CUX1: variants seen among roughly 807,000 people sequenced by gnomAD.
The protein encoded by CUX1 is protein CASP.
A neutral mutation model predicts 158.8 loss-of-function variants in CUX1; 31 were observed. That is an observed-to-expected ratio of 0.20 (90% CI 0.15 to 0.26). The LOEUF is 0.26. Among genes scored for constraint, CUX1 ranks in the 10% least tolerant of loss-of-function variants. The probability of loss-of-function intolerance (pLI) is 1.00; values close to 1 mark genes in which losing one functional copy is unlikely to be tolerated. For missense variants in CUX1, 1,589 were observed against 2,014.6 expected (o/e 0.79, Z 4.04); for synonymous variants, 879 against 862.1 (o/e 1.02, Z -0.34).
intron 2 of CUX1, among the ~76,000 whole-genome samples, chr7:102,001,742 A>G (rs1642266226): frequency 6.6e-6 from 1 of 152,216 alleles, no homozygotes; most frequent in Non-Finnish European, 1.5e-5. Flanking sequence ...GGCCATGCAC[A>G]TGCAGGACAC....
At chr7:102,071,433 G>C in intron 4 of CUX1, among the ~76,000 whole-genome samples, 1 of 152,162 alleles carries the variant, frequency 6.6e-6, no homozygotes, top group East Asian at 1.9e-4. Flanking sequence ...TCTGGAGTAA[G>C]GTGATGGACA....
At chr7:102,268,807 G>A (rs1185085002) in intron 14 of CUX1, among the ~76,000 whole-genome samples, 2 of 152,024 alleles carry the variant, frequency 1.3e-5, no homozygotes, top group Non-Finnish European at 2.9e-5. Context: ...GAGAGAGAAT[G>A]GGGGTGGGGG....
chr7:101,959,238 A>AGT (rs55733311), intron 2 of CUX1, among the ~76,000 whole-genome samples: 13,521 of 145,704 alleles, frequency 0.093, 631 homozygotes, highest in East Asian at 0.2. Context: ...ATGTGTGTGC[A>AGT]GTGTGTGTGT....
At chr7:101,905,841 T>C (rs1254170851) in intron 1 of CUX1, among the ~76,000 whole-genome samples, 1 of 152,038 alleles carries the variant, frequency 6.6e-6, no homozygotes, top group Non-Finnish European at 1.5e-5. Flanking sequence ...ACGTGCCCAG[T>C]ATTTTCTTTC....
At chr7:102,282,440 G>T (rs1792148524) in intron 21 of CUX1, among the ~76,000 whole-genome samples, 1 of 152,136 alleles carries the variant, frequency 6.6e-6, no homozygotes, top group Non-Finnish European at 1.5e-5. Flanking sequence ...GGCCCCTACA[G>T]AGCTAACCTG....
rs113937940 is a variant in CUX1 at position 101,975,392 on chromosome 7, A to AT, written c.142-52693dup. Reference sequence around the variant, plus strand: ...ACCTCCTTATCTCTACAAAAAATGAATTTTTTTTTTTTTAATCAGCTAGGC... The same window carrying AT: ...ACCTCCTTATCTCTACAAAAAATGAATTTTTTTTTTTTTTAATCAGCTAGGC... On this transcript the variant is annotated intron_variant, in intron 2 of 23. Coordinates refer to ENST00000292535, the MANE Select transcript of CUX1 (RefSeq NM_181552.4). Among the ~76,000 whole-genome samples, 849 of 147,434 alleles carry AT rather than the reference A, an allele frequency of 5.8e-3. 12 individuals are homozygous for AT. Among genetic ancestry groups the AT allele is most frequent in the African/African-American group, 0.019 (748 of 40,414 alleles).
At chr7:101,915,156 G>A (rs978063179) in intron 1 of CUX1, among the ~76,000 whole-genome samples, 1 of 152,146 alleles carries the variant, frequency 6.6e-6, no homozygotes, top group African/African-American at 2.4e-5. Context: ...AAAGCGACTC[G>A]GCAGGAAAAC....
At chr7:101,935,306 A>G (rs1161332707) in intron 2 of CUX1, among the ~76,000 whole-genome samples, 2 of 151,902 alleles carry the variant, frequency 1.3e-5, no homozygotes, top group Non-Finnish European at 1.5e-5. Context: ...ATCCTATAAA[A>G]CGGCCCCACC....
intron 1 of CUX1, among the ~76,000 whole-genome samples, chr7:101,890,425 C>G (rs774907987): frequency 1.1e-4 from 16 of 152,000 alleles, no homozygotes; most frequent in East Asian, 3.9e-4. Context: ...GCTGTCCCCC[C>G]CTCCACCCCC....
intron 2 of CUX1, among the ~76,000 whole-genome samples, chr7:101,996,225 C>A (rs1260261758): frequency 6.6e-6 from 1 of 152,160 alleles, no homozygotes; most frequent in African/African-American, 2.4e-5. Flanking sequence ...GGAAGGCATG[C>A]ACATGAGGAT....
chr7:101,826,359 T>TG (rs751290644), intron 1 of CUX1, among the ~76,000 whole-genome samples: 1 of 151,924 alleles, frequency 6.6e-6, no homozygotes, highest in East Asian at 1.9e-4. Context: ...CCACCACGCC[T>TG]GGCTGATTTT....
intron 1 of CUX1, among the ~76,000 whole-genome samples, chr7:101,828,543 A>G (rs1793641861): frequency 6.6e-6 from 1 of 152,184 alleles, no homozygotes; most frequent in Admixed American, 6.5e-5. Flanking sequence ...ACCCAAAAAA[A>G]TCTAAGAGAA....
intron 2 of CUX1, among the ~76,000 whole-genome samples, chr7:101,984,113 T>TATATATATATATACAC (rs1813913284): frequency 4.3e-5 from 3 of 70,582 alleles, no homozygotes; most frequent in African/African-American, 2.0e-4. Context: ...TATATATATA[T>TATATATATATATACAC]ATATATATAT....
Position 102,257,442 on chromosome 7 carries a change from T to C in CUX1, c.*8400T>C. Reference sequence around the variant, plus strand: ...CTTGGAAAAAAAAAATCCCGTGTATTCTGGAGATGTGAGAATTCACCCAAA... The same window carrying C: ...CTTGGAAAAAAAAAATCCCGTGTATCCTGGAGATGTGAGAATTCACCCAAA... On this transcript the variant is annotated 3_prime_UTR_variant, in exon 24 of 24. Coordinates refer to ENST00000292535, the MANE Select transcript of CUX1 (RefSeq NM_181552.4). 5 of 985,322 alleles carry C rather than the reference T, an allele frequency of 5.1e-6. No homozygotes were observed. The highest frequency in any genetic ancestry group is 6.0e-6 in the Non-Finnish European group (5 of 829,920). The allele number at this position is 985,322 out of a possible 1,614,324, so 61.0% of individuals were successfully genotyped here.
intron 17 of CUX1, 132 bp downstream of exon 17, chr7:102,200,304 C>T (rs577198239): frequency 2.1e-5 from 14 of 668,142 alleles, no homozygotes; most frequent in Middle Eastern, 5.1e-4. Context: ...CATTTAGGCA[C>T]GTAGAGAGAA....
chr7:102,129,392 CA>C (rs34526464), intron 8 of CUX1, among the ~76,000 whole-genome samples: 79,399 of 151,942 alleles, frequency 0.52, 21,355 homozygotes, highest in Middle Eastern at 0.66. Context: ...TCTAAAAAAT[CA>C]AACACCAGGG....
intron 1 of CUX1, among the ~76,000 whole-genome samples, chr7:101,832,217 C>G (rs1346128840): frequency 2.0e-5 from 3 of 152,180 alleles, no homozygotes; most frequent in Non-Finnish European, 4.4e-5. Context: ...GTGGCCGTGC[C>G]AGACTCAGTG....
chr7:102,283,302 A>C, exon 23 of CUX1: 74 of 537,318 alleles, frequency 1.4e-4, no homozygotes, highest in East Asian at 3.5e-4. Context: ...CGAGCCCCCA[A>C]TGCCCGGCCA....
intron 2 of CUX1, among the ~76,000 whole-genome samples, chr7:101,988,766 C>G (rs1020362165): frequency 2.0e-5 from 3 of 152,052 alleles, no homozygotes; most frequent in African/African-American, 7.2e-5. Context: ...TTTGGGAGGC[C>G]AAGACAGGAG....
Sources: gnomAD v4.1 joint callset for allele counts (sites outside exome capture counted in the v4.1 genomes callset) on GRCh38, gnomAD v4.1.1 for gene constraint, MANE v1.5 for transcripts, NCBI Gene and HGNC (gene_info 2026-07-23, HGNC 2026-07-21) for gene names.